EIF4E1B: variants seen among roughly 807,000 people sequenced by gnomAD.
EIF4E1B encodes eukaryotic translation initiation factor 4E type 1B.
Under a neutral mutation model 31.3 loss-of-function variants are expected in EIF4E1B, and 22 were observed. That is an observed-to-expected ratio of 0.70 (90% CI 0.50 to 1.00). The LOEUF is 1.00. EIF4E1B is among the 50% of genes least tolerant of loss of function. EIF4E1B has a pLI of 0.00. For synonymous variants in EIF4E1B, 126 were observed against 120.2 expected (o/e 1.05, Z -0.31); for missense variants, 290 against 311.6 (o/e 0.93, Z 0.52).
In EIF4E1B at chr5:176,643,283, G is replaced by C. The variant is rs373176653; in HGVS notation, c.200+17G>C. 6.2e-7 allele frequency: 1 copy of C among 1,609,750 alleles called. No homozygotes were observed. The highest frequency in any genetic ancestry group is 8.5e-7 in the Non-Finnish European group (1 of 1,178,782). ...GCAGAACAGGTAGGCAGGAGCCTGC[G>C]AGTGGAACACAGCCCCTTGCTTTCA... On this transcript the variant is annotated intron_variant, in intron 4 of 8. Transcript: ENST00000318682.
Position 176,646,164 on chromosome 5 carries a change from T to G in EIF4E1B, c.*184T>G, listed in dbSNP as rs1760705352. 1 of 576,332 alleles carries G rather than the reference T, an allele frequency of 1.7e-6. No individual in the cohort carries two copies. The highest frequency in any genetic ancestry group is 3.1e-6 in the Non-Finnish European group (1 of 320,882). 35.7% of individuals were successfully genotyped at this position (576,332 alleles called of 1,614,324 possible). ...CTTAGGGGCTAGATGGGGGTAGTGG[T>G]GGCAGTCTGAGGACCTAGCTTGTCC... On this transcript the variant is annotated 3_prime_UTR_variant, in exon 9 of 9. Transcript: ENST00000318682.
chr5:176,631,216 T>C (rs1760373847), intron 1 of EIF4E1B, among the ~76,000 whole-genome samples, 152 bp downstream of exon 1: 1 of 152,012 alleles, frequency 6.6e-6, no homozygotes, highest in Non-Finnish European at 1.5e-5. Context: ...ACAAGATCCA[T>C]AGAGAGTGCA....
rs1760529827 is a variant in EIF4E1B at position 176,638,472 on chromosome 5, A to C, written c.-201-3571A>C. 6.6e-6 allele frequency among the ~76,000 whole-genome samples: 1 copy of C among 152,246 alleles called. No homozygotes were observed. On this transcript the variant is annotated intron_variant, in intron 1 of 8. Coordinates refer to ENST00000318682, the MANE Select transcript of EIF4E1B (RefSeq NM_001099408.2). This position sits in a 1 kb window ranked among gnomAD's most constrained non-coding sequence, Gnocchi z 4.3. ...GAATAAGTAGTGTTAAGCGCTAAGA[A>C]GGAAATAGAACAGAGTGATGAGTTA...
In EIF4E1B at chr5:176,638,079, G is replaced by C. The variant is rs73332155; in HGVS notation, c.-201-3964G>C. Among the ~76,000 whole-genome samples, 1 of 152,136 alleles carries C rather than the reference G, an allele frequency of 6.6e-6. No individual in the cohort carries two copies. Among genetic ancestry groups the C allele is most frequent in the Non-Finnish European group, 1.5e-5 (1 of 68,038 alleles). ...GAGCAGTTGGAAGGGTGGAGAAGAC[G>C]GTTGGAAGAACAAGTCTGGAGCGGG... is the stretch of plus-strand genomic sequence containing the variant. On this transcript the variant is annotated intron_variant, in intron 1 of 8. Transcript: ENST00000318682. This position sits in a 1 kb window ranked among gnomAD's most constrained non-coding sequence, Gnocchi z 4.3.
At chr5:176,637,659 AG>A (rs2113441159) in intron 1 of EIF4E1B, among the ~76,000 whole-genome samples, 1 of 152,200 alleles carries the variant, frequency 6.6e-6, no homozygotes, top group African/African-American at 2.4e-5. Flanking sequence ...AGCCTCTGGA[AG>A]TCCTAAGGCA....
chr5:176,635,256 C>T (rs1478665839), intron 1 of EIF4E1B, among the ~76,000 whole-genome samples: 2 of 151,746 alleles, frequency 1.3e-5, no homozygotes, highest in African/African-American at 4.8e-5. Flanking sequence ...GGATAGAGGT[C>T]GACGAGATAA....
intron 1 of EIF4E1B, among the ~76,000 whole-genome samples, chr5:176,631,342 C>T (rs1760378117): frequency 1.3e-5 from 2 of 152,104 alleles, no homozygotes; most frequent in Non-Finnish European, 2.9e-5. Flanking sequence ...TGGGGACTGT[C>T]AAAATGATCA....
chr5:176,635,083 T>C (rs1760472570), intron 1 of EIF4E1B, among the ~76,000 whole-genome samples: 1 of 151,916 alleles, frequency 6.6e-6, no homozygotes. Flanking sequence ...AGTGTGATCG[T>C]CCGGGGGTGC....
chr5:176,636,693 C>T (rs1477922749), intron 1 of EIF4E1B, among the ~76,000 whole-genome samples: 1 of 152,244 alleles, frequency 6.6e-6, no homozygotes, highest in East Asian at 1.9e-4. Flanking sequence ...GAACCGGGGA[C>T]ATTTACTGAA....
At chr5:176,642,592 G>A in intron 2 of EIF4E1B, 118 bp from the exon 3 acceptor site, 1 of 791,014 alleles carries the variant, frequency 1.3e-6, no homozygotes, top group Non-Finnish European at 2.0e-6. Context: ...GGCCATGTCA[G>A]TGTCTCTGCT....
rs145283854 is a variant in EIF4E1B at position 176,636,314 on chromosome 5, C to T, written c.-202+5250C>T. On this transcript the variant is annotated intron_variant, in intron 1 of 8. Coordinates refer to ENST00000318682, the MANE Select transcript of EIF4E1B (RefSeq NM_001099408.2). ...GCCTCCAGTGGCCAGTGGCCACCTGCGAGCCTCAGGAACTCTCACTGTTTC... is the reference window on the plus strand; with the variant it reads ...GCCTCCAGTGGCCAGTGGCCACCTGTGAGCCTCAGGAACTCTCACTGTTTC... Among the ~76,000 whole-genome samples the T allele has an allele frequency of 4.6e-5, 7 of 152,230 alleles. No individual in the cohort carries two copies. The South Asian group carries it at 6.2e-4, about 14-fold the overall frequency.
Position 176,643,253 on chromosome 5 carries a change from C to T in EIF4E1B, c.187C>T (p.Pro63Ser). ...GPMEVKLELHPLQNRWALWFF... is the reference protein window; with the variant it reads ...GPMEVKLELHSLQNRWALWFF... Reference sequence around the variant, plus strand: ...CATGGAAGTCAAGCTGGAGCTGCACCCCTTGCAGAACAGGTAGGCAGGAGC... The same window carrying T: ...CATGGAAGTCAAGCTGGAGCTGCACTCCTTGCAGAACAGGTAGGCAGGAGC... The change falls in exon 4 of 9, where the codon CCC becomes TCC. Residue 63 changes from proline (P) to serine (S), a missense_variant. By Grantham distance (74) the Pro-to-Ser change is moderately conservative. Transcript: ENST00000318682. 11 of 1,612,200 alleles carry T rather than the reference C, an allele frequency of 6.8e-6. No individual in the cohort carries two copies. Among genetic ancestry groups the T allele is most frequent in the Non-Finnish European group, 9.3e-6 (11 of 1,179,824 alleles).
intron 6 of EIF4E1B, 80 bp downstream of exon 6, chr5:176,644,519 A>C: frequency 7.6e-4 from 240 of 316,830 alleles, no homozygotes; most frequent in Non-Finnish European, 1.3e-3. Context: ...TTAATCCCTC[A>C]GAGGGGTGGG....
intron 1 of EIF4E1B, among the ~76,000 whole-genome samples, chr5:176,639,864 G>C (rs1356269906): frequency 6.6e-6 from 1 of 152,128 alleles, no homozygotes; most frequent in Non-Finnish European, 1.5e-5. Context: ...TGAGGCTGCA[G>C]TGAGCTATGG....
intron 4 of EIF4E1B, 98 bp from the exon 5 acceptor site, chr5:176,643,541 C>T (rs1292272952): frequency 1.5e-5 from 17 of 1,153,052 alleles, no homozygotes; most frequent in East Asian, 7.7e-5. Context: ...TCTCCCAGTT[C>T]GCCCTTGAAG....
chr5:176,645,023 TGGCCTACTTAG>T lies in EIF4E1B; in HGVS notation c.361-101_361-91del, dbSNP rs1455926740. On this transcript the variant is annotated intron_variant, in intron 6 of 8. Coordinates refer to ENST00000318682, the MANE Select transcript of EIF4E1B (RefSeq NM_001099408.2). The surrounding 1 kb of genome is among the most constrained non-coding windows in gnomAD (Gnocchi z 5.4). Reference sequence around the variant, plus strand: ...TGAGGGAAGGGAGGATAAGAGAATCTGGCCTACTTAGGGCCTCAGCAGAGAGCGGATAAGGC... The same window carrying T: ...TGAGGGAAGGGAGGATAAGAGAATCTGGCCTCAGCAGAGAGCGGATAAGGC... 1 of 955,406 alleles carries T rather than the reference TGGCCTACTTAG, an allele frequency of 1.0e-6. No individual in the cohort carries two copies. Among genetic ancestry groups the T allele is most frequent in the East Asian group, 2.7e-5 (1 of 37,684 alleles). The allele number at this position is 955,406 out of a possible 1,614,324, so 59.2% of individuals were successfully genotyped here. A position where few individuals can be genotyped will look rare whatever the true frequency, so the allele number is the denominator to read the frequency against.
chr5:176,638,090 C>A lies in EIF4E1B; in HGVS notation c.-201-3953C>A, dbSNP rs1016626746. Among the ~76,000 whole-genome samples the A allele has an allele frequency of 1.3e-5, 2 of 152,134 alleles. No homozygotes were observed. Among genetic ancestry groups the A allele is most frequent in the African/African-American group, 4.8e-5 (2 of 41,408 alleles). ...AGGGTGGAGAAGACGGTTGGAAGAA[C>A]AAGTCTGGAGCGGGGCAGAGGAGGT... On this transcript the variant is annotated intron_variant, in intron 1 of 8. Coordinates refer to ENST00000318682, the MANE Select transcript of EIF4E1B (RefSeq NM_001099408.2). The surrounding 1 kb of genome is among the most constrained non-coding windows in gnomAD (Gnocchi z 4.3).
At position 176,645,785 on chromosome 5, in the gene EIF4E1B, G is replaced by A; in HGVS notation, c.615-81G>A. 7.8e-7 allele frequency: 1 copy of A among 1,284,650 alleles called. No homozygotes were observed. The highest frequency in any genetic ancestry group is 1.5e-5 in the South Asian group (1 of 66,990). The allele number at this position is 1,284,650 out of a possible 1,614,324, so 79.6% of individuals were successfully genotyped here. On this transcript the variant is annotated intron_variant, in intron 8 of 8. Coordinates refer to ENST00000318682, the MANE Select transcript of EIF4E1B (RefSeq NM_001099408.2). The surrounding 1 kb of genome is among the most constrained non-coding windows in gnomAD (Gnocchi z 5.4). ...GTGGCTGTGGCCAGAATGAGGGTAGGAGTCTGGTGGCCTAAGTTATCTCTA... is the reference window on the plus strand; with the variant it reads ...GTGGCTGTGGCCAGAATGAGGGTAGAAGTCTGGTGGCCTAAGTTATCTCTA...
At chr5:176,640,333 C>A (rs964697481) in intron 1 of EIF4E1B, among the ~76,000 whole-genome samples, 1 of 152,238 alleles carries the variant, frequency 6.6e-6, no homozygotes, top group African/African-American at 2.4e-5. Context: ...CCCTAGCTGA[C>A]CTCCCTTTGA....
Sources: gnomAD v4.1 joint callset for allele counts (sites outside exome capture counted in the v4.1 genomes callset) on GRCh38, gnomAD v4.1.1 for gene constraint, Gnocchi (gnomAD v3.1) non-coding constraint, MANE v1.5 for transcripts, NCBI Gene and HGNC (gene_info 2026-07-23, HGNC 2026-07-21) for gene names.